The following PIK3C2G variants were observed in gnomAD, a reference collection of about 807,000 sequenced individuals.
PIK3C2G encodes phosphatidylinositol 3-kinase C2 domain-containing subunit gamma.
PIK3C2G carries 168 observed loss-of-function variants against 181.1 expected under a neutral mutation model. The ratio of observed to expected loss-of-function variants is 0.93; its 90% CI spans 0.82 to 1.05. PIK3C2G has a LOEUF of 1.05. Ranked by LOEUF, PIK3C2G falls within the 50% of genes least tolerant of loss-of-function variation. The pLI, the probability that PIK3C2G is intolerant of heterozygous loss-of-function variation, is 0.00. For synonymous variants in PIK3C2G, 573 were observed against 592.2 expected (o/e 0.97, Z 0.47); for missense variants, 1,869 against 1,732.8 (o/e 1.08, Z -1.40).
the PIK3C2G span, among the ~76,000 whole-genome samples, chr12:18,707,041 A>C: frequency 6.6e-6 from 1 of 152,158 alleles, no homozygotes; most frequent in East Asian, 1.9e-4. Context: ...CTGTCTTCCC[A>C]CTGCCTCCTC....
intron 30 of PIK3C2G, among the ~76,000 whole-genome samples, chr12:18,596,693 T>C (rs1947382268): frequency 1.3e-5 from 2 of 152,218 alleles, no homozygotes; most frequent in South Asian, 4.1e-4. Flanking sequence ...AAGCTTTCAA[T>C]CATTACCTCG....
At chr12:18,331,070 A>G (rs1417326905) in intron 8 of PIK3C2G, among the ~76,000 whole-genome samples, 1 of 151,934 alleles carries the variant, frequency 6.6e-6, no homozygotes, top group African/African-American at 2.4e-5. Flanking sequence ...GTAGTTCTAG[A>G]CCCCCTGTTC....
intron 11 of PIK3C2G, among the ~76,000 whole-genome samples, chr12:18,351,074 C>T (rs1161323334): frequency 1.3e-5 from 2 of 151,938 alleles, no homozygotes; most frequent in Admixed American, 6.6e-5. Context: ...AAATAGTAGG[C>T]AAATTTCCAA....
intron 16 of PIK3C2G, among the ~76,000 whole-genome samples, chr12:18,420,186 C>A (rs1945400869): frequency 1.3e-5 from 2 of 151,942 alleles, no homozygotes; most frequent in South Asian, 4.1e-4. Flanking sequence ...CAATATGGAG[C>A]CAAAATTATC....
chr12:18,373,867 G>T (rs1401337436), intron 13 of PIK3C2G, among the ~76,000 whole-genome samples: 2 of 151,210 alleles, frequency 1.3e-5, no homozygotes, highest in Admixed American at 6.6e-5. Context: ...AAAAAAAAAT[G>T]CTCAAGTCCA....
chr12:18,454,074 T>C (rs1424849899), intron 18 of PIK3C2G, among the ~76,000 whole-genome samples: 1 of 151,980 alleles, frequency 6.6e-6, no homozygotes, highest in Admixed American at 6.6e-5. Flanking sequence ...AAGTAGAAAT[T>C]AGTCATATTC....
chr12:18,292,388 TCTCA>T (rs1254317425), intron 4 of PIK3C2G, among the ~76,000 whole-genome samples: 1 of 151,720 alleles, frequency 6.6e-6, no homozygotes, highest in Non-Finnish European at 1.5e-5. Context: ...CTCATATTCC[TCTCA>T]CTCTCTGATC....
chr12:18,398,694 T>A (rs76630534), intron 15 of PIK3C2G, among the ~76,000 whole-genome samples: 2,021 of 152,280 alleles, frequency 0.013, 51 homozygotes, highest in African/African-American at 0.046. Flanking sequence ...TTAGATCTTT[T>A]ATTTCAGACT....
At chr12:18,519,964 C>T in intron 24 of PIK3C2G, among the ~76,000 whole-genome samples, 1 of 148,986 alleles carries the variant, frequency 6.7e-6, no homozygotes, top group Non-Finnish European at 1.5e-5. Context: ...TGCCACATCC[C>T]CCTCTCCAAG....
At chr12:18,620,877 T>C (rs887335976) in intron 31 of PIK3C2G, among the ~76,000 whole-genome samples, 31 of 152,106 alleles carry the variant, frequency 2.0e-4, no homozygotes, top group African/African-American at 6.3e-4. Flanking sequence ...ACGTTCACGT[T>C]GCATACCTAT....
rs181239262 is a variant in PIK3C2G, at chr12:18,306,947, G to T, written c.1035-7015G>T. On this transcript the variant is annotated intron_variant, in intron 5 of 32. Coordinates refer to ENST00000538779, the MANE Select transcript of PIK3C2G (RefSeq NM_001288772.2). ...ACATGTAAGAATAAAGAACATTTTAGCTTAATTCAAATTATATAAAACAAG... is the reference window on the plus strand; with the variant it reads ...ACATGTAAGAATAAAGAACATTTTATCTTAATTCAAATTATATAAAACAAG... Among the ~76,000 whole-genome samples the T allele has an allele frequency of 6.8e-3, 1,030 of 151,572 alleles. 9 individuals are homozygous for T. Among genetic ancestry groups the T allele is most frequent in the African/African-American group, 0.023 (945 of 41,376 alleles).
At chr12:18,336,867 T>A (rs547336378) in intron 8 of PIK3C2G, among the ~76,000 whole-genome samples, 1 of 152,270 alleles carries the variant, frequency 6.6e-6, no homozygotes, top group African/African-American at 2.4e-5. Flanking sequence ...AAATTACATA[T>A]CAGAGATACT....
intron 15 of PIK3C2G, among the ~76,000 whole-genome samples, chr12:18,399,194 CAAA>C (rs536592064): frequency 8.7e-5 from 7 of 80,436 alleles, no homozygotes; most frequent in Admixed American, 1.1e-4. Context: ...GACTCCGTCT[CAAA>C]AAAAAAAAAA....
the PIK3C2G span, among the ~76,000 whole-genome samples, chr12:18,689,532 G>T: frequency 1.4e-3 from 220 of 152,166 alleles, 2 homozygotes; most frequent in African/African-American, 5.1e-3. Context: ...CGTGGCCCAG[G>T]GAAGCCAAAA....
chr12:18,502,337 T>A (rs1023989124), intron 22 of PIK3C2G, among the ~76,000 whole-genome samples: 2 of 152,238 alleles, frequency 1.3e-5, no homozygotes, highest in African/African-American at 4.8e-5. Context: ...GATCATTAAA[T>A]GGTCAATTTA....
At chr12:18,437,663 T>C (rs545645004) in intron 18 of PIK3C2G, among the ~76,000 whole-genome samples, 1 of 152,098 alleles carries the variant, frequency 6.6e-6, no homozygotes, top group East Asian at 1.9e-4. Flanking sequence ...TAAATGTCAT[T>C]AATTTACCAA....
In PIK3C2G at chr12:18,609,550, A is replaced by T; in HGVS notation, c.4103A>T (p.Asp1368Val). 6.3e-7 allele frequency: 1 copy of T among 1,581,506 alleles called. No individual in the cohort carries two copies. The highest frequency in any genetic ancestry group is 8.6e-7 in the Non-Finnish European group (1 of 1,161,078). ...SPVYLGEKFPDKKPKVQLVIS... is the reference protein window; with the variant it reads ...SPVYLGEKFPVKKPKVQLVIS... ...CTTTTATCAGGTGAGAAGTTTCCAG[A>T]CAAGAAGCCTAAGGTGCAGTTAGTC... The change falls in exon 31 of 33, where the codon GAC becomes GTC. Residue 1368 changes from aspartate to valine, a missense_variant. By Grantham distance (152) the Asp-to-Val change is radical. Transcript: ENST00000538779.
At chr12:18,692,247 G>C in the PIK3C2G span, among the ~76,000 whole-genome samples, 1 of 152,104 alleles carries the variant, frequency 6.6e-6, no homozygotes, top group Non-Finnish European at 1.5e-5. Flanking sequence ...TACAGTTCTA[G>C]GAGTAACTAG....
chr12:18,580,138 A>T (rs919772195), intron 29 of PIK3C2G, among the ~76,000 whole-genome samples: 6 of 152,104 alleles, frequency 3.9e-5, no homozygotes, highest in Non-Finnish European at 7.4e-5. Context: ...TCTCAAAAAA[A>T]AAAAAAAGAG....
Sources: gnomAD v4.1 joint callset for allele counts (sites outside exome capture counted in the v4.1 genomes callset) on GRCh38, gnomAD v4.1.1 for gene constraint, MANE v1.5 for transcripts, NCBI Gene and HGNC (gene_info 2026-07-23, HGNC 2026-07-21) for gene names.